Variants in TMC2 observed in about 807,000 individuals in gnomAD.
TMC2 encodes transmembrane channel like 2.
A neutral mutation model predicts 105.9 loss-of-function variants in TMC2; 102 were observed. The ratio of observed to expected loss-of-function variants is 0.96; its 90% confidence interval spans 0.82 to 1.14. The LOEUF is 1.14. Ranked by LOEUF, TMC2 falls within the 50% of genes most tolerant of loss-of-function variation. The pLI is 0.00. For missense variants in TMC2, 1,093 were observed against 1,134.3 expected, an observed-to-expected ratio of 0.96 and a Z score of 0.52; for synonymous variants, 402 against 422.8, an observed-to-expected ratio of 0.95 and a Z score of 0.60.
At chr20:2,601,426 G>A (rs913691335) in intron 10 of TMC2, among the ~76,000 whole-genome samples, 1 of 152,206 alleles carries the variant, frequency 6.6e-6, no homozygotes, top group Non-Finnish European at 1.5e-5. Flanking sequence ...GATTCAGTTG[G>A]AATCTATTTG....
chr20:2,595,648 C>A (rs749541530), intron 9 of TMC2, among the ~76,000 whole-genome samples: 1 of 152,140 alleles, frequency 6.6e-6, no homozygotes, highest in Non-Finnish European at 1.5e-5. Context: ...AATCAGGGGA[C>A]CCCATCAGCT....
Position 2,558,828 on chromosome 20 carries a change from C to T in TMC2, c.401+54C>T. 1.4e-6 allele frequency: 2 copies of T among 1,471,092 alleles called. No homozygotes were observed. The highest frequency in any genetic ancestry group is 2.6e-5 in the Admixed American group (1 of 38,258). 91.1% of individuals were successfully genotyped at this position (1,471,092 alleles called of 1,614,324 possible). A position where few individuals can be genotyped will look rare whatever the true frequency, so the allele number is the denominator to read the frequency against. ...CGCTCCGCGCGCTCCCGCTCCTTCG[C>T]GGCCCTTCCCCTTCCCCCGTGAGGG... On this transcript the variant is annotated intron_variant, in intron 3 of 19. Transcript: ENST00000358864. The surrounding 1 kb of genome is among the most constrained non-coding windows in gnomAD (Gnocchi z 4.6).
At chr20:2,556,076 T>C (rs73087328) in intron 2 of TMC2, among the ~76,000 whole-genome samples, 292 of 146,544 alleles carry the variant, frequency 2.0e-3, no homozygotes, top group Middle Eastern at 0.014. Context: ...AAGAAGGATT[T>C]TATTTTTTAT....
At chr20:2,604,118 C>T (rs1361360175) in intron 11 of TMC2, among the ~76,000 whole-genome samples, 1 of 152,210 alleles carries the variant, frequency 6.6e-6, no homozygotes, top group East Asian at 1.9e-4. Context: ...CAGAAGTGGG[C>T]ATCGCTGTTT....
intron 11 of TMC2, among the ~76,000 whole-genome samples, chr20:2,606,753 C>A (rs1442500760): frequency 6.6e-6 from 1 of 151,042 alleles, no homozygotes; most frequent in African/African-American, 2.4e-5. Flanking sequence ...ATCCTATTAA[C>A]TTCTTTCTTC....
At chr20:2,624,144 G>C (rs2086546975) in intron 16 of TMC2, 127 bp from the exon 17 acceptor site, 1 of 1,073,692 alleles carries the variant, frequency 9.3e-7, no homozygotes, top group Non-Finnish European at 1.3e-6. Context: ...TTGGAGCAGA[G>C]CTCTGGTTCT....
intron 2 of TMC2, among the ~76,000 whole-genome samples, chr20:2,557,180 T>G (rs2085990072): frequency 6.6e-6 from 1 of 152,254 alleles, no homozygotes; most frequent in Non-Finnish European, 1.5e-5. Context: ...TCTGTTCCTT[T>G]CTCTGTTTGC....
At chr20:2,634,404 T>G (rs1235415388) in intron 17 of TMC2, among the ~76,000 whole-genome samples, 1 of 152,260 alleles carries the variant, frequency 6.6e-6, no homozygotes, top group Non-Finnish European at 1.5e-5. Flanking sequence ...TTCTTGAAGA[T>G]CTGCTCTGTG....
Position 2,624,330 on chromosome 20 carries a change from TC to T in TMC2, c.2242del (p.Leu748TrpfsTer13). 6.2e-7 allele frequency: 1 copy of T among 1,614,172 alleles called. No homozygotes were observed. Among genetic ancestry groups the T allele is most frequent in the Non-Finnish European group, 8.5e-7 (1 of 1,180,020 alleles). On this transcript the variant is annotated frameshift_variant, in exon 17 of 20. Coordinates refer to ENST00000358864, the MANE Select transcript of TMC2 (RefSeq NM_080751.3). LOFTEE classifies it high-confidence loss of function. ...ACCATTGAAAACGATTTCCCAACCT[TC>T]CTGGGCAAGATCTTTGCTTTCCTCG... ...QETIENDFPT[F>X]LGKIFAFLAN...
chr20:2,553,503 G>A (rs1465432185), intron 2 of TMC2, among the ~76,000 whole-genome samples: 2 of 151,806 alleles, frequency 1.3e-5, no homozygotes, highest in African/African-American at 4.8e-5. Flanking sequence ...TTTTATTAAG[G>A]ATTTTTGTAT....
chr20:2,619,949 C>T (rs996458907), intron 16 of TMC2, among the ~76,000 whole-genome samples: 1 of 152,070 alleles, frequency 6.6e-6, no homozygotes, highest in African/African-American at 2.4e-5. Context: ...CATGGTGGTA[C>T]GTGCCTGTAG....
chr20:2,549,132 A>G (rs1278798160), intron 2 of TMC2, among the ~76,000 whole-genome samples: 1 of 152,194 alleles, frequency 6.6e-6, no homozygotes, highest in African/African-American at 2.4e-5. Context: ...GCTGGAGTGC[A>G]CTGGTGCCAT....
Position 2,592,932 on chromosome 20 carries a change from T to C in TMC2, c.933+524T>C, listed in dbSNP as rs2146211241. Among the ~76,000 whole-genome samples the C allele has an allele frequency of 6.6e-6, 1 of 152,332 alleles. No individual in the cohort carries two copies. Among genetic ancestry groups the C allele is most frequent in the East Asian group, 1.9e-4 (1 of 5,190 alleles). On this transcript the variant is annotated intron_variant, in intron 8 of 19. Transcript: ENST00000358864. The surrounding 1 kb of genome is among the most constrained non-coding windows in gnomAD (Gnocchi z 4.9). ...CTCTTCCTCACCAACCACCCGCCAC[T>C]GCCATCCAACCAACCACTAAATCTG... is the stretch of plus-strand genomic sequence containing the variant.
At position 2,631,899 on chromosome 20, in the gene TMC2, C is replaced by G. The variant is rs541996051; in HGVS notation, c.2307-4027C>G. On this transcript the variant is annotated intron_variant, in intron 17 of 19. Coordinates refer to ENST00000358864, the MANE Select transcript of TMC2 (RefSeq NM_080751.3). ...CTGTCTTTCCTCTCCTCCTCAGATTCCCATTAGGCATGTGTTGATACATTT... is the reference window on the plus strand; with the variant it reads ...CTGTCTTTCCTCTCCTCCTCAGATTGCCATTAGGCATGTGTTGATACATTT... Among the ~76,000 whole-genome samples the G allele has an allele frequency of 2.0e-5, 3 of 152,210 alleles. No individual in the cohort carries two copies. In the East Asian group the frequency reaches 5.8e-4, roughly 29 times the overall value.
intron 3 of TMC2, among the ~76,000 whole-genome samples, chr20:2,559,060 G>T (rs565172183): frequency 6.6e-6 from 1 of 151,956 alleles, no homozygotes; most frequent in African/African-American, 2.4e-5. Context: ...GTGGAGAGGT[G>T]GCGGGGCGCG....
At chr20:2,628,704 G>A (rs1303320190) in intron 17 of TMC2, among the ~76,000 whole-genome samples, 4 of 152,158 alleles carry the variant, frequency 2.6e-5, no homozygotes, top group Middle Eastern at 3.2e-3. Context: ...CCTTCCACCT[G>A]TAAGTTTCCT....
rs538125271 is a variant in TMC2, at chr20:2,573,705, C to T, written c.645+1436C>T. 2.2e-4 allele frequency among the ~76,000 whole-genome samples: 33 copies of T among 150,048 alleles called. No homozygotes were observed. In the South Asian group the frequency reaches 4.0e-3, roughly 18 times the overall value. On this transcript the variant is annotated intron_variant, in intron 5 of 19. Coordinates refer to ENST00000358864, the MANE Select transcript of TMC2 (RefSeq NM_080751.3). ...CCTCCCGAGTACCTGGGACTACAGG[C>T]GCCCGCCACCACGCCCGGCTAATTT... is the stretch of plus-strand genomic sequence containing the variant.
intron 7 of TMC2, among the ~76,000 whole-genome samples, chr20:2,586,747 A>G (rs1363738529): frequency 6.6e-6 from 1 of 152,124 alleles, no homozygotes; most frequent in East Asian, 1.9e-4. Context: ...CCCACCTCCA[A>G]CACTGGGAAT....
chr20:2,631,886 T>G (rs530353762), intron 17 of TMC2, among the ~76,000 whole-genome samples: 1 of 152,324 alleles, frequency 6.6e-6, no homozygotes, highest in South Asian at 2.1e-4. Context: ...GTCTTTCCTC[T>G]CCTCCTCAGA....
Sources: allele counts gnomAD v4.1 joint callset (sites outside exome capture counted in the v4.1 genomes callset), GRCh38; gene constraint gnomAD v4.1.1; non-coding constraint Gnocchi (gnomAD v3.1); transcripts MANE v1.5; gene names NCBI Gene and HGNC (gene_info 2026-07-23, HGNC 2026-07-21).